RABGAP1L: variants seen among roughly 807,000 people sequenced by gnomAD.
RABGAP1L encodes RAB GTPase activating protein 1 like, also known as rab GTPase-activating protein 1-like.
RABGAP1L carries 63 observed loss-of-function variants against 137.7 expected under a neutral mutation model. The ratio of observed to expected loss-of-function variants is 0.46; its 90% CI spans 0.37 to 0.56. The LOEUF (loss-of-function observed/expected upper bound fraction) is 0.56. Ranked by LOEUF, RABGAP1L falls within the 20% of genes least tolerant of loss-of-function variation. RABGAP1L has a pLI of 0.00. For missense variants in RABGAP1L, 1,095 were observed against 1,244.0 expected (o/e 0.88, Z 1.80); for synonymous variants, 431 against 433.7 (o/e 0.99, Z 0.08).
intron 11 of RABGAP1L, among the ~76,000 whole-genome samples, chr1:174,327,988 T>C (rs1456669634): frequency 0.018 from 408 of 22,690 alleles, 10 homozygotes; most frequent in East Asian, 0.066. Context: ...TACACACACA[T>C]ATATATATAT....
intron 7 of RABGAP1L, among the ~76,000 whole-genome samples, chr1:174,255,115 T>C (rs181860739): frequency 1.3e-5 from 2 of 152,334 alleles, no homozygotes; most frequent in East Asian, 3.9e-4. Context: ...TTCATATGTT[T>C]GTTGGCCGCA....
Position 174,702,293 on chromosome 1 carries a change from A to G in RABGAP1L, c.2169+37A>G, listed in dbSNP as rs2148524896. ...CCCATCTTTCACTAAGCCAAAATAG[A>G]AAGTAGTTTCTACTAAAAATGGTTA... On this transcript the variant is annotated intron_variant, in intron 17 of 25. Coordinates refer to ENST00000681986, the MANE Select transcript of RABGAP1L (RefSeq NM_001366446.1). 2.0e-6 allele frequency: 3 copies of G among 1,521,402 alleles called. No homozygotes were observed. The East Asian group carries it at 7.2e-5, about 37-fold the overall frequency. The allele number at this position is 1,521,402 out of a possible 1,614,324, so 94.2% of individuals were successfully genotyped here.
intron 19 of RABGAP1L, among the ~76,000 whole-genome samples, chr1:174,858,892 TAAA>T (rs1333758985): frequency 6.6e-6 from 1 of 152,152 alleles, no homozygotes; most frequent in Non-Finnish European, 1.5e-5. Flanking sequence ...TGGCTATTAT[TAAA>T]AAGTCAAAAA....
chr1:174,816,426 G>A (rs1038431584), intron 19 of RABGAP1L, among the ~76,000 whole-genome samples: 2 of 152,044 alleles, frequency 1.3e-5, no homozygotes, highest in Non-Finnish European at 2.9e-5. Flanking sequence ...GATTACAGGC[G>A]TGAGCCACCA....
intron 13 of RABGAP1L, among the ~76,000 whole-genome samples, chr1:174,467,393 G>C (rs1245328123): frequency 8.0e-5 from 12 of 149,558 alleles, no homozygotes; most frequent in Non-Finnish European, 1.6e-4. Context: ...CTTTGTTTGA[G>C]CCTAGTTAAA....
At chr1:174,288,046 A>T (rs1219030790) in intron 10 of RABGAP1L, among the ~76,000 whole-genome samples, 1 of 152,120 alleles carries the variant, frequency 6.6e-6, no homozygotes, top group Non-Finnish European at 1.5e-5. Flanking sequence ...TATAATTATT[A>T]CATGTTATTT....
rs1334905079 is a variant in RABGAP1L at position 174,712,221 on chromosome 1, C to A, written c.2169+9965C>A. Among the ~76,000 whole-genome samples the A allele has an allele frequency of 2.0e-5, 3 of 152,180 alleles. No homozygotes were observed. The East Asian group carries it at 5.8e-4, about 29-fold the overall frequency. ...GTGGGGCCAGATAAGAGAATAAAAG[C>A]AGGCTGCCCGAGCAGTCACCTTCCG... On this transcript the variant is annotated intron_variant, in intron 17 of 25. Transcript: ENST00000681986.
chr1:174,569,349 G>GAC (rs1364033168), intron 13 of RABGAP1L, among the ~76,000 whole-genome samples: 5 of 152,106 alleles, frequency 3.3e-5, no homozygotes, highest in African/African-American at 1.2e-4. Context: ...TCCTGTTACA[G>GAC]ACATGTGACA....
chr1:174,968,436 G>T (rs1178547949), intron 20 of RABGAP1L, among the ~76,000 whole-genome samples: 1 of 151,144 alleles, frequency 6.6e-6, no homozygotes, highest in African/African-American at 2.4e-5. Context: ...AAATAGTTGT[G>T]AACATACCAA....
chr1:174,910,110 A>G (rs937179135), intron 19 of RABGAP1L, among the ~76,000 whole-genome samples: 6 of 152,114 alleles, frequency 3.9e-5, no homozygotes, highest in Non-Finnish European at 1.5e-5. Flanking sequence ...CTGCACTCCA[A>G]CCTGGGTGAC....
At chr1:174,780,116 AAATT>A (rs1320334564) in intron 18 of RABGAP1L, among the ~76,000 whole-genome samples, 4,294 of 145,906 alleles carry the variant, frequency 0.029, 86 homozygotes, top group Middle Eastern at 0.046. Context: ...ATAAATAAAT[AAATT>A]AAATAAGCCC....
At chr1:174,443,269 T>C (rs189793740) in intron 13 of RABGAP1L, among the ~76,000 whole-genome samples, 1 of 152,252 alleles carries the variant, frequency 6.6e-6, no homozygotes, top group African/African-American at 2.4e-5. Context: ...ATGATAGTTC[T>C]ATTTTTAAAT....
At chr1:174,347,486 TG>T (rs1571325238) in intron 11 of RABGAP1L, among the ~76,000 whole-genome samples, 2 of 151,680 alleles carry the variant, frequency 1.3e-5, no homozygotes, top group South Asian at 2.1e-4. Context: ...TGTGTGTGTG[TG>T]TGTGTGTGTG....
intron 14 of RABGAP1L, among the ~76,000 whole-genome samples, chr1:174,677,270 C>T (rs75990434): frequency 0.021 from 3,223 of 152,026 alleles, 56 homozygotes; most frequent in Middle Eastern, 0.085. Flanking sequence ...TTCAGTGAGC[C>T]GACAGAGGGA....
intron 13 of RABGAP1L, among the ~76,000 whole-genome samples, chr1:174,525,323 G>C (rs1417898481): frequency 6.6e-6 from 1 of 152,036 alleles, no homozygotes; most frequent in African/African-American, 2.4e-5. Flanking sequence ...TTTTCCATCA[G>C]TGTTTTATAG....
At chr1:174,314,482 T>A (rs1164871426) in intron 11 of RABGAP1L, among the ~76,000 whole-genome samples, 2 of 152,196 alleles carry the variant, frequency 1.3e-5, no homozygotes, top group Non-Finnish European at 2.9e-5. Context: ...ATTGTTCATT[T>A]TTTAAAGTTT....
At chr1:174,506,876 A>G (rs1042341562) in intron 13 of RABGAP1L, among the ~76,000 whole-genome samples, 36 of 152,248 alleles carry the variant, frequency 2.4e-4, no homozygotes, top group Admixed American at 1.8e-3. Flanking sequence ...TGAAAGGCCA[A>G]TGTGGTTGGA....
rs548407540 is a variant in RABGAP1L, at chr1:174,239,182, A to G, written c.543-2301A>G. Among the ~76,000 whole-genome samples the G allele has an allele frequency of 1.2e-3, 177 of 152,214 alleles. 1 individual carries two copies. Among genetic ancestry groups the G allele is most frequent in the African/African-American group, 4.2e-3 (173 of 41,546 alleles). On this transcript the variant is annotated intron_variant, in intron 4 of 25. Coordinates refer to ENST00000681986, the MANE Select transcript of RABGAP1L (RefSeq NM_001366446.1). ...GCCCACTGTCTGGCACTCCCTAGTGAGATGAACCCGGTACCTCAGATGGAA... is the reference window on the plus strand; with the variant it reads ...GCCCACTGTCTGGCACTCCCTAGTGGGATGAACCCGGTACCTCAGATGGAA...
At chr1:174,650,076 C>A (rs1271813052) in intron 14 of RABGAP1L, among the ~76,000 whole-genome samples, 1 of 152,086 alleles carries the variant, frequency 6.6e-6, no homozygotes. Flanking sequence ...GCCTTTTCTG[C>A]ATCTATTGAG....
Sources: gnomAD v4.1 joint callset for allele counts (sites outside exome capture counted in the v4.1 genomes callset) on GRCh38, gnomAD v4.1.1 for gene constraint, MANE v1.5 for transcripts, NCBI Gene and HGNC (gene_info 2026-07-23, HGNC 2026-07-21) for gene names.